TTC21B: variants seen among roughly 807,000 people sequenced by gnomAD.
TTC21B encodes the protein tetratricopeptide repeat domain 21B.
In TTC21B, 127 loss-of-function variants were observed where a neutral mutation model predicts 175.1. The ratio of observed to expected loss-of-function variants is 0.73; its 90% confidence interval spans 0.63 to 0.84. The LOEUF (loss-of-function observed/expected upper bound fraction) is 0.84, where lower values mean the gene tolerates loss of function less well. TTC21B is among the 40% of genes least tolerant of loss of function. TTC21B has a pLI of 0.00. For missense variants in TTC21B, 1,561 were observed against 1,558.3 expected (o/e 1.00, Z -0.03); for synonymous variants, 524 against 524.5 (o/e 1.00, Z 0.01).
At position 165,941,044 on chromosome 2, in the gene TTC21B, T is replaced by A. The variant is rs1294455540; in HGVS notation, c.693A>T (p.Thr231=). Residue 231 remains threonine, a synonymous_variant, in exon 6 of 29, where the codon ACA becomes ACT. Coordinates refer to ENST00000243344, the MANE Select transcript of TTC21B (RefSeq NM_024753.5). ...LQLALQDWDQ[T]VETAQRLLLQ... ...TACTTAACCTTTGTGCTGTCTCAAC[T>A]GTCTGGTCCCAATCCTGCAAGGCTA... 1 of 1,613,956 alleles carries A rather than the reference T, an allele frequency of 6.2e-7. No homozygotes were observed. The highest frequency in any genetic ancestry group is 1.7e-5 in the Admixed American group (1 of 59,990).
At chr2:165,912,655 TA>T in intron 16 of TTC21B, 31 bp from the exon 17 acceptor site, 5 of 1,546,088 alleles carry the variant, frequency 3.2e-6, no homozygotes, top group Non-Finnish European at 3.6e-6. Flanking sequence ...AAATAAGCAA[TA>T]AAAAATAGCA....
chr2:165,938,274 T>C (rs1366084071), intron 6 of TTC21B, among the ~76,000 whole-genome samples: 1 of 151,990 alleles, frequency 6.6e-6, no homozygotes, highest in African/African-American at 2.4e-5. Context: ...ATATGAACCA[T>C]ACCACTCAGT....
In TTC21B at chr2:165,896,535, G is replaced by A. The variant is rs2105298776; in HGVS notation, c.2950+2151C>T. On this transcript the variant is annotated intron_variant, in intron 22 of 28. Transcript: ENST00000243344. ...AAAGCCAAACCCCAAAAACTCAACTGAACAGAAAACAGGATAAAGGGACAG... is the reference window on the plus strand; with the variant it reads ...AAAGCCAAACCCCAAAAACTCAACTAAACAGAAAACAGGATAAAGGGACAG... 1.6e-5 allele frequency among the ~76,000 whole-genome samples: 2 copies of A among 124,350 alleles called. 1 individual carries two copies. The highest frequency in any genetic ancestry group is 6.0e-4 in the South Asian group (2 of 3,360). 81.6% of individuals were successfully genotyped at this position (124,350 alleles called of 152,430 possible).
chr2:165,874,977 T>C, intron 28 of TTC21B, 145 bp from the exon 29 acceptor site: 2 of 699,868 alleles, frequency 2.9e-6, no homozygotes, highest in Non-Finnish European at 5.0e-6. Flanking sequence ...AATGGTGGCA[T>C]TTTAAATGTA....
At chr2:165,929,101 C>A in intron 11 of TTC21B, 34 bp downstream of exon 11, 1 of 1,589,336 alleles carries the variant, frequency 6.3e-7, no homozygotes, top group Non-Finnish European at 8.6e-7. Flanking sequence ...ATCAAGTAAA[C>A]GCATCCTTGA....
intron 6 of TTC21B, among the ~76,000 whole-genome samples, chr2:165,940,613 C>T (rs1687329323): frequency 6.6e-6 from 1 of 152,146 alleles, no homozygotes; most frequent in Non-Finnish European, 1.5e-5. Flanking sequence ...GAAGATGGCT[C>T]AAAGGTCTCA....
Position 165,904,680 on chromosome 2 carries a change from G to T in TTC21B, c.2569-2770C>A, listed in dbSNP as rs114114449. ...ATAATCTTGGACAAACACTCTCTGT[G>T]GGAAAATAAGCACAGTAATACATAA... is the stretch of plus-strand genomic sequence containing the variant. On this transcript the variant is annotated intron_variant, in intron 19 of 28. Transcript: ENST00000243344. Among the ~76,000 whole-genome samples the T allele has an allele frequency of 8.4e-3, 1,276 of 152,222 alleles. 18 individuals are homozygous for T. Among genetic ancestry groups the T allele is most frequent in the African/African-American group, 0.029 (1,211 of 41,526 alleles).
chr2:165,953,727 C>T lies in TTC21B; in HGVS notation c.-22G>A, dbSNP rs781743090. The T allele has an allele frequency of 1.3e-6, 2 of 1,547,948 alleles. No homozygotes were observed. The highest frequency in any genetic ancestry group is 2.8e-5 in the African/African-American group (2 of 72,230). The stretch of plus-strand genomic sequence containing the variant: ...CCATGGCTGCCCCGAGGCCGGGCCG[C>T]GGGGCTCTGGGGATTGTCTCGCCGC... On this transcript the variant is annotated 5_prime_UTR_variant, in exon 1 of 29. Transcript: ENST00000243344.
At chr2:165,947,331 C>T (rs1687614812) in intron 3 of TTC21B, 1 of 150,914 alleles carries the variant, frequency 6.6e-6, no homozygotes, top group South Asian at 2.1e-4. Context: ...GGAATGGCTA[C>T]CAAGAGAAAG....
intron 25 of TTC21B, among the ~76,000 whole-genome samples, chr2:165,884,681 T>C (rs1164914394): frequency 6.6e-6 from 1 of 152,236 alleles, no homozygotes; most frequent in Non-Finnish European, 1.5e-5. Flanking sequence ...TATATGATAT[T>C]CTTTTGGATA....
chr2:165,944,145 T>C (rs747143890), intron 4 of TTC21B, among the ~76,000 whole-genome samples: 3 of 152,120 alleles, frequency 2.0e-5, no homozygotes, highest in Non-Finnish European at 4.4e-5. Context: ...GTTTTAACTA[T>C]TGTCTCTGTG....
intron 5 of TTC21B, among the ~76,000 whole-genome samples, chr2:165,943,007 G>C (rs1687425830): frequency 6.6e-6 from 1 of 152,164 alleles, no homozygotes; most frequent in Non-Finnish European, 1.5e-5. Context: ...AACAGTTACA[G>C]CTGATCCAGG....
At chr2:165,882,292 C>G (rs1369533854) in intron 26 of TTC21B, among the ~76,000 whole-genome samples, 1 of 152,124 alleles carries the variant, frequency 6.6e-6, no homozygotes, top group Admixed American at 6.5e-5. Context: ...CAATTCTGTA[C>G]AGAAAAGGCA....
chr2:165,933,139 G>A, intron 6 of TTC21B, 82 bp from the exon 7 acceptor site: 1 of 1,151,462 alleles, frequency 8.7e-7, no homozygotes, highest in Non-Finnish European at 1.3e-6. Context: ...TGGTTTGCTT[G>A]CCTCACTATT....
At chr2:165,951,607 ACC>A (rs1052412497) in intron 1 of TTC21B, among the ~76,000 whole-genome samples, 1 of 151,730 alleles carries the variant, frequency 6.6e-6, no homozygotes, top group Non-Finnish European at 1.5e-5. Context: ...TCTCCAGTCT[ACC>A]TCCCACTAAA....
intron 19 of TTC21B, 28 bp from the exon 20 acceptor site, chr2:165,901,938 A>G: frequency 2.0e-6 from 1 of 495,256 alleles, no homozygotes. Context: ...AAAAGGGAAT[A>G]AAAAAAAAAA....
chr2:165,896,733 T>C (rs988863657), intron 22 of TTC21B, among the ~76,000 whole-genome samples: 3 of 152,224 alleles, frequency 2.0e-5, no homozygotes, highest in African/African-American at 4.8e-5. Context: ...AGGCTGTAAT[T>C]GGCTTGGGCT....
intron 1 of TTC21B, among the ~76,000 whole-genome samples, chr2:165,953,104 C>A (rs1398020214): frequency 6.6e-6 from 1 of 152,172 alleles, no homozygotes; most frequent in Non-Finnish European, 1.5e-5. Context: ...ATAGAGAAGA[C>A]CAACATCCGA....
At chr2:165,888,128 G>T in intron 25 of TTC21B, 151 bp downstream of exon 25, 1 of 628,674 alleles carries the variant, frequency 1.6e-6, no homozygotes, top group Non-Finnish European at 2.8e-6. Context: ...GCCAAGAAGG[G>T]GACATTGTGT....
Sources: allele counts gnomAD v4.1 joint callset (sites outside exome capture counted in the v4.1 genomes callset), GRCh38; gene constraint gnomAD v4.1.1; transcripts MANE v1.5; gene names NCBI Gene and HGNC (gene_info 2026-07-23, HGNC 2026-07-21).